The following SNURF variants were observed in gnomAD, a reference collection of about 807,000 sequenced individuals.
SNURF encodes SNRPN upstream open reading frame.
A neutral mutation model predicts 11.6 loss-of-function variants in SNURF; 6 were observed. The ratio of observed to expected loss-of-function variants is 0.52; its 90% CI spans 0.28 to 1.02. SNURF has a LOEUF of 1.02. SNURF is among the 50% of genes least tolerant of loss of function. SNURF has a pLI of 0.09. For missense variants in SNURF, 84 were observed against 88.4 expected (o/e 0.95, Z 0.20); for synonymous variants, 29 against 31.6 (o/e 0.92, Z 0.27).
intron 1 of SNURF, among the ~76,000 whole-genome samples, chr15:24,961,543 C>T (rs959249302): frequency 6.6e-5 from 10 of 151,982 alleles, no homozygotes; most frequent in African/African-American, 1.5e-4. Flanking sequence ...CGTAACATGG[C>T]GGGTTTTTTG....
chr15:24,967,525 T>C (rs977752678), intron 2 of SNURF, among the ~76,000 whole-genome samples: 3 of 151,762 alleles, frequency 2.0e-5, no homozygotes, highest in Admixed American at 6.6e-5. Context: ...ACCTGTAGTC[T>C]CAGCTACTCG....
At chr15:24,959,369 A>G (rs1025802764) in intron 1 of SNURF, among the ~76,000 whole-genome samples, 3 of 152,176 alleles carry the variant, frequency 2.0e-5, no homozygotes, top group East Asian at 1.9e-4. Context: ...GCTCATGTCT[A>G]TAGTCCCAGC....
At chr15:24,966,639 A>AG (rs1194936700) in intron 2 of SNURF, among the ~76,000 whole-genome samples, 1 of 152,152 alleles carries the variant, frequency 6.6e-6, no homozygotes, top group Admixed American at 6.5e-5. Flanking sequence ...ACCCACCTTG[A>AG]GTAACAAACA....
intron 1 of SNURF, among the ~76,000 whole-genome samples, chr15:24,960,446 C>G (rs1020523286): frequency 8.6e-5 from 13 of 151,842 alleles, no homozygotes; most frequent in African/African-American, 3.1e-4. Flanking sequence ...GCTCAAGCGC[C>G]CTCTCACCTT....
At chr15:24,978,581 T>C, downstream of SNURF, 2 of 821,804 alleles carry the variant, frequency 2.4e-6, no homozygotes, top group Non-Finnish European at 4.1e-6. Flanking sequence ...AATTAAACTG[T>C]GAGGTACTGT....
chr15:24,964,128 A>T (rs1196194945), intron 2 of SNURF, among the ~76,000 whole-genome samples: 1 of 151,554 alleles, frequency 6.6e-6, no homozygotes, highest in Non-Finnish European at 1.5e-5. Context: ...TATTTTGCCG[A>T]TTTTTACTAT....
At chr15:24,974,296 TG>T (rs2076814365) in intron 3 of SNURF, 7 of 686,108 alleles carry the variant, frequency 1.0e-5, no homozygotes, top group Non-Finnish European at 1.8e-5. Flanking sequence ...AGCTTTAACA[TG>T]CTTTCCTCTG....
chr15:24,958,523 A>G (rs1012702802), intron 1 of SNURF, among the ~76,000 whole-genome samples: 1 of 87,490 alleles, frequency 1.1e-5, no homozygotes, highest in Non-Finnish European at 2.3e-5. Flanking sequence ...TTTTTTTTAA[A>G]TAGACCAGGG....
downstream of SNURF, among the ~76,000 whole-genome samples, chr15:24,973,603 T>G (rs374462072): frequency 5.9e-5 from 9 of 152,264 alleles, no homozygotes; most frequent in East Asian, 1.7e-3. Context: ...TTTCACCATG[T>G]TGGCCAGGCT....
At chr15:24,965,785 T>C (rs1218487748) in intron 2 of SNURF, among the ~76,000 whole-genome samples, 1 of 152,188 alleles carries the variant, frequency 6.6e-6, no homozygotes, top group Non-Finnish European at 1.5e-5. Context: ...TTTCTCAGTC[T>C]TTAATCTTCT....
chr15:24,974,416 T>C (rs1412466158), intron 3 of SNURF: 3 of 1,610,632 alleles, frequency 1.9e-6, no homozygotes, highest in Admixed American at 1.7e-5. Flanking sequence ...AAGCATCAAG[T>C]TTTAACTGTG....
downstream of SNURF, among the ~76,000 whole-genome samples, chr15:24,971,049 T>A (rs1364179960): frequency 1.3e-5 from 2 of 151,068 alleles, no homozygotes; most frequent in African/African-American, 4.9e-5. Context: ...CCTAGTCATC[T>A]TATTTTACTA....
At chr15:24,959,256 T>C (rs2074377983) in intron 1 of SNURF, among the ~76,000 whole-genome samples, 1 of 152,166 alleles carries the variant, frequency 6.6e-6, no homozygotes, top group South Asian at 2.1e-4. Context: ...TAAATGCATG[T>C]GTGTGTGTAT....
At chr15:24,955,734 G>A (rs1353391946) in intron 1 of SNURF, among the ~76,000 whole-genome samples, 2 of 151,456 alleles carry the variant, frequency 1.3e-5, no homozygotes, top group Non-Finnish European at 2.9e-5. Flanking sequence ...GAAGTGGCTG[G>A]GAGGTAGGGG....
At chr15:24,976,966 A>G in exon 6 of SNURF, 1 of 1,605,972 alleles carries the variant, frequency 6.2e-7, no homozygotes, top group Non-Finnish European at 8.5e-7. Context: ...CTGGTGTGCC[A>G]ATTCCCCAGG....
chr15:24,962,083 A>G (rs779030659), intron 1 of SNURF, 31 bp from the exon 2 acceptor site: 9 of 1,557,572 alleles, frequency 5.8e-6, no homozygotes, highest in Non-Finnish European at 8.0e-6. Context: ...GATGCAGTCT[A>G]CCAAACAAAT....
At chr15:24,968,148 CTTAA>C (rs1250965973) in exon 3 of SNURF, 15 of 930,436 alleles carry the variant, frequency 1.6e-5, no homozygotes, top group African/African-American at 3.3e-5. Context: ...TGGGGGTTCT[CTTAA>C]TTATCAGTGA....
At chr15:24,974,264 A>C (rs1452268483) in intron 3 of SNURF, 1 of 601,268 alleles carries the variant, frequency 1.7e-6, no homozygotes, top group East Asian at 2.9e-5. Flanking sequence ...TGCCTGTTTT[A>C]AAACATGGTA....
rs10588023 is a variant in SNURF, at chr15:24,966,284, GT to G, written c.111-1640del. On this transcript the variant is annotated intron_variant, in intron 2 of 2. Transcript: ENST00000577949. ...TCTCAAGAAAGTGCTATACTTACTA[GT>G]TTTTTTTATAAAGGATACAAATGAA... Among the ~76,000 whole-genome samples, 373 of 152,024 alleles carry G rather than the reference GT, an allele frequency of 2.5e-3. 1 individual carries two copies. The highest frequency in any genetic ancestry group is 8.4e-3 in the African/African-American group (348 of 41,426).
Sources: allele counts gnomAD v4.1 joint callset (sites outside exome capture counted in the v4.1 genomes callset), GRCh38; gene constraint gnomAD v4.1.1; transcripts MANE v1.5; gene names NCBI Gene and HGNC (gene_info 2026-07-23, HGNC 2026-07-21).